Variants in EXOC6B observed in about 807,000 individuals in gnomAD.
The protein encoded by EXOC6B is SEC15 homolog B.
Under a neutral mutation model 113.5 loss-of-function variants are expected in EXOC6B, and 54 were observed. The observed-to-expected ratio is 0.48, with a 90% confidence interval of 0.38 to 0.60. The LOEUF (loss-of-function observed/expected upper bound fraction) is 0.60, where lower values mean the gene tolerates loss of function less well. Ranked by LOEUF, EXOC6B falls within the 20% of genes least tolerant of loss-of-function variation. EXOC6B has a pLI of 0.00. For synonymous variants in EXOC6B, 357 were observed against 339.0 expected (o/e 1.05, Z -0.58); for missense variants, 797 against 977.5 (o/e 0.82, Z 2.46).
intron 20 of EXOC6B, among the ~76,000 whole-genome samples, chr2:72,281,116 A>G (rs1685101574): frequency 6.6e-6 from 1 of 152,212 alleles, no homozygotes; most frequent in Admixed American, 6.5e-5. Context: ...GGATACCTAT[A>G]ATAGTTGGTA....
chr2:72,626,991 G>A (rs544172812), intron 6 of EXOC6B, among the ~76,000 whole-genome samples: 4 of 152,212 alleles, frequency 2.6e-5, no homozygotes, highest in South Asian at 2.1e-4. Context: ...TTTTTAATGA[G>A]CCTAAATGAG....
intron 20 of EXOC6B, among the ~76,000 whole-genome samples, chr2:72,258,275 T>C (rs1388695186): frequency 6.6e-6 from 1 of 152,100 alleles, no homozygotes; most frequent in African/African-American, 2.4e-5. Flanking sequence ...ATGTTTGTTT[T>C]ATCTTGATGT....
At chr2:72,628,929 A>T (rs1672225183) in intron 6 of EXOC6B, among the ~76,000 whole-genome samples, 1 of 152,186 alleles carries the variant, frequency 6.6e-6, no homozygotes, top group African/African-American at 2.4e-5. Flanking sequence ...CCTGTGCCCT[A>T]ATCTTTCTCC....
chr2:72,312,953 T>C (rs1422106904), intron 20 of EXOC6B, among the ~76,000 whole-genome samples: 6 of 152,172 alleles, frequency 3.9e-5, no homozygotes, highest in Non-Finnish European at 8.8e-5. Context: ...TCCTCTTTAA[T>C]GTTCCAAATT....
At chr2:72,653,550 G>T (rs902232786) in intron 6 of EXOC6B, among the ~76,000 whole-genome samples, 1 of 147,528 alleles carries the variant, frequency 6.8e-6, no homozygotes, top group African/African-American at 2.5e-5. Flanking sequence ...AAAACTTAAA[G>T]TATAATAATA....
chr2:72,483,165 C>T (rs1699205585), intron 16 of EXOC6B, among the ~76,000 whole-genome samples: 1 of 152,186 alleles, frequency 6.6e-6, no homozygotes, highest in South Asian at 2.1e-4. Context: ...TCATCATTTT[C>T]TCCTTCAGAG....
intron 1 of EXOC6B, among the ~76,000 whole-genome samples, chr2:72,805,731 T>A: frequency 1.3e-5 from 2 of 152,184 alleles, no homozygotes; most frequent in East Asian, 3.8e-4. Context: ...CTCTTAAAGA[T>A]TTTCATCTTG....
At chr2:72,648,049 C>G (rs1212795195) in intron 6 of EXOC6B, among the ~76,000 whole-genome samples, 2 of 152,132 alleles carry the variant, frequency 1.3e-5, no homozygotes, top group African/African-American at 4.8e-5. Context: ...GGGCTAATAT[C>G]CAGAATCTAC....
intron 20 of EXOC6B, among the ~76,000 whole-genome samples, chr2:72,287,410 G>A (rs1369782399): frequency 1.3e-4 from 18 of 143,498 alleles, no homozygotes; most frequent in Admixed American, 1.1e-3. Context: ...CAGCCTGGCC[G>A]ACAGAGTGAG....
chr2:72,312,155 T>C (rs1687224640), intron 20 of EXOC6B, among the ~76,000 whole-genome samples: 1 of 152,210 alleles, frequency 6.6e-6, no homozygotes, highest in South Asian at 2.1e-4. Flanking sequence ...GGCAATGGAA[T>C]AATAGATCAT....
intron 6 of EXOC6B, among the ~76,000 whole-genome samples, chr2:72,673,539 G>T (rs1676062805): frequency 6.6e-6 from 1 of 152,096 alleles, no homozygotes; most frequent in African/African-American, 2.4e-5. Flanking sequence ...CAGAGCTGCT[G>T]AAGGCCATCA....
chr2:72,719,642 C>T (rs1048999596), intron 5 of EXOC6B, among the ~76,000 whole-genome samples: 1 of 152,212 alleles, frequency 6.6e-6, no homozygotes, highest in African/African-American at 2.4e-5. Context: ...GGAAACCTTA[C>T]TCACTCAAGT....
At chr2:72,679,085 T>A (rs1303306066) in intron 6 of EXOC6B, among the ~76,000 whole-genome samples, 1 of 151,938 alleles carries the variant, frequency 6.6e-6, no homozygotes, top group Non-Finnish European at 1.5e-5. Flanking sequence ...TTTTTTTTTT[T>A]AAACAGAGTC....
At chr2:72,806,286 T>G (rs1166742409) in intron 1 of EXOC6B, among the ~76,000 whole-genome samples, 1 of 152,224 alleles carries the variant, frequency 6.6e-6, no homozygotes, top group Non-Finnish European at 1.5e-5. Flanking sequence ...AGTATTTGGT[T>G]TCCTGTTCCT....
intron 1 of EXOC6B, among the ~76,000 whole-genome samples, chr2:72,796,697 A>AG (rs1003561991): frequency 4.6e-5 from 7 of 152,170 alleles, no homozygotes; most frequent in African/African-American, 9.7e-5. Context: ...TAAAAAAAAA[A>AG]AAATCTTCCT....
chr2:72,486,573 T>C lies in EXOC6B; in HGVS notation c.1665+5745A>G, dbSNP rs1268810743. ...ATGCTTGCTCTCCCATCTGTAGGTT[T>C]AGCTGAAGACCCTGCATTTGCTGGG... On this transcript the variant is annotated intron_variant, in intron 16 of 21. Transcript: ENST00000272427. Among the ~76,000 whole-genome samples, 5 of 152,238 alleles carry C rather than the reference T, an allele frequency of 3.3e-5. No homozygotes were observed. The East Asian group carries it at 7.7e-4, about 24-fold the overall frequency.
intron 1 of EXOC6B, among the ~76,000 whole-genome samples, chr2:72,795,005 A>T (rs1033996168): frequency 1.3e-5 from 2 of 152,232 alleles, no homozygotes; most frequent in African/African-American, 4.8e-5. Flanking sequence ...CAATTAGTAC[A>T]GTGTGGCTAC....
chr2:72,422,184 T>C (rs1045102578), intron 18 of EXOC6B, among the ~76,000 whole-genome samples: 2 of 152,124 alleles, frequency 1.3e-5, no homozygotes, highest in Non-Finnish European at 2.9e-5. Flanking sequence ...CCCAGTCCCA[T>C]CGACCACCCA....
chr2:72,471,067 G>C (rs1289775932), intron 17 of EXOC6B, among the ~76,000 whole-genome samples: 2 of 152,092 alleles, frequency 1.3e-5, no homozygotes, highest in Non-Finnish European at 2.9e-5. Context: ...GGTTGAACTA[G>C]TTTACAGTCC....
Sources: gnomAD v4.1 joint callset for allele counts (sites outside exome capture counted in the v4.1 genomes callset) on GRCh38, gnomAD v4.1.1 for gene constraint, MANE v1.5 for transcripts, NCBI Gene and HGNC (gene_info 2026-07-23, HGNC 2026-07-21) for gene names.